The following DSTYK variants were observed in gnomAD, a reference collection of about 807,000 sequenced individuals.
DSTYK encodes RIP-homologous kinase.
DSTYK carries 34 observed loss-of-function variants against 98.7 expected under a neutral mutation model. The ratio of observed to expected loss-of-function variants is 0.34; its 90% CI spans 0.26 to 0.46. The LOEUF is 0.46. Ranked by LOEUF, DSTYK falls within the 20% of genes least tolerant of loss-of-function variation. DSTYK has a pLI of 1.00. For missense variants in DSTYK, 962 were observed against 1,181.7 expected (o/e 0.81, Z 2.73); for synonymous variants, 462 against 457.3 (o/e 1.01, Z -0.13).
Position 205,163,840 on chromosome 1 carries a change from C to T in DSTYK, c.1440G>A (p.Leu480=), listed in dbSNP as rs1168317369. The change falls in exon 4 of 13, where the codon CTG becomes CTA. Residue 480 remains leucine, a synonymous_variant. Transcript: ENST00000367162. ...CCCTCAGGTAATCCACTGAGCTGAT[C>T]AGCTTATTAGCCACTGCCTGATTAA... The part of the protein sequence containing the change: ...SRLNQAVANK[L]ISSVDYLRES... 1 of 1,614,152 alleles carries T rather than the reference C, an allele frequency of 6.2e-7. No homozygotes were observed. Among genetic ancestry groups the T allele is most frequent in the Non-Finnish European group, 8.5e-7 (1 of 1,180,036 alleles).
intron 1 of DSTYK, among the ~76,000 whole-genome samples, chr1:205,192,430 G>A (rs1018658398): frequency 4.6e-5 from 7 of 152,144 alleles, no homozygotes. Flanking sequence ...CTACTCAGGA[G>A]GCTGAGGTGT....
At chr1:205,204,435 T>C (rs1659141226) in intron 1 of DSTYK, among the ~76,000 whole-genome samples, 1 of 146,826 alleles carries the variant, frequency 6.8e-6, no homozygotes, top group Non-Finnish European at 1.5e-5. Flanking sequence ...TGTTCCAACT[T>C]TCTAAATCAA....
chr1:205,200,370 C>T (rs1245470559), intron 1 of DSTYK, among the ~76,000 whole-genome samples: 2 of 152,020 alleles, frequency 1.3e-5, no homozygotes, highest in African/African-American at 4.8e-5. Flanking sequence ...GATGGGGTTT[C>T]GCCATGTTGG....
Position 205,211,597 on chromosome 1 carries a change from C to A in DSTYK, c.-62G>T, listed in dbSNP as rs1013408105. Reference sequence around the variant, plus strand: ...GGCCGCAGGCCCGGCCTCCCTCCTCCCCGCCCCCCAGTGCCGAAGGGAGGA... The same window carrying A: ...GGCCGCAGGCCCGGCCTCCCTCCTCACCGCCCCCCAGTGCCGAAGGGAGGA... On this transcript the variant is annotated 5_prime_UTR_variant, in exon 1 of 13. Coordinates refer to ENST00000367162, the MANE Select transcript of DSTYK (RefSeq NM_015375.3). 2.3e-5 allele frequency: 32 copies of A among 1,409,738 alleles called. No homozygotes were observed. The highest frequency in any genetic ancestry group is 2.9e-5 in the Non-Finnish European group (32 of 1,090,294). The allele number at this position is 1,409,738 out of a possible 1,614,324, so 87.3% of individuals were successfully genotyped here.
intron 4 of DSTYK, 144 bp downstream of exon 4, chr1:205,163,579 A>G (rs1285944837): frequency 5.5e-6 from 4 of 722,912 alleles, no homozygotes; most frequent in Non-Finnish European, 9.3e-6. Context: ...GGCAGTGGTC[A>G]TGTGACAGGA....
intron 2 of DSTYK, among the ~76,000 whole-genome samples, chr1:205,178,590 T>G (rs1364476316): frequency 6.6e-6 from 1 of 152,214 alleles, no homozygotes; most frequent in Non-Finnish European, 1.5e-5. Flanking sequence ...TAATGAATTA[T>G]GAAGAACGTT....
chr1:205,177,906 T>C (rs1325887474), intron 2 of DSTYK, among the ~76,000 whole-genome samples: 1 of 152,022 alleles, frequency 6.6e-6, no homozygotes, highest in African/African-American at 2.4e-5. Context: ...TGACTCTTTT[T>C]GGTACATATA....
chr1:205,166,930 TATG>T (rs1411197655), intron 3 of DSTYK, among the ~76,000 whole-genome samples: 1 of 152,212 alleles, frequency 6.6e-6, no homozygotes, highest in Non-Finnish European at 1.5e-5. Context: ...CTGCAAGGAA[TATG>T]ATGATGAATA....
rs945486108 is a variant in DSTYK, at chr1:205,144,943, G to A, written c.*2615C>T. 10 of 152,212 alleles carry A rather than the reference G, an allele frequency of 6.6e-5. No individual in the cohort carries two copies. The highest frequency in any genetic ancestry group is 2.2e-4 in the African/African-American group (9 of 41,452). The allele number at this position is 152,212 out of a possible 1,614,324, so 9.4% of individuals were successfully genotyped here. On this transcript the variant is annotated 3_prime_UTR_variant, in exon 13 of 13. Coordinates refer to ENST00000367162, the MANE Select transcript of DSTYK (RefSeq NM_015375.3). ...AGCTAATACTTCCCAAGAATGCTAG[G>A]AATGTGACCTTCATAATGGAAGCAC...
At chr1:205,195,970 T>C (rs974500190) in intron 1 of DSTYK, among the ~76,000 whole-genome samples, 3 of 152,170 alleles carry the variant, frequency 2.0e-5, no homozygotes, top group African/African-American at 7.2e-5. Context: ...GCCAACCCCA[T>C]GCTTTACAGA....
At chr1:205,158,262 C>T (rs1168601927) in intron 9 of DSTYK, among the ~76,000 whole-genome samples, 1 of 152,076 alleles carries the variant, frequency 6.6e-6, no homozygotes, top group African/African-American at 2.4e-5. Flanking sequence ...CATATTGATT[C>T]CTCATGACTC....
chr1:205,165,180 G>A lies in DSTYK; in HGVS notation c.1325-1225C>T, dbSNP rs60471988. 2.1e-3 allele frequency among the ~76,000 whole-genome samples: 317 copies of A among 152,098 alleles called. 3 individuals are homozygous for A. Among genetic ancestry groups the A allele is most frequent in the Middle Eastern group, 0.01 (3 of 294 alleles). On this transcript the variant is annotated intron_variant, in intron 3 of 12. Coordinates refer to ENST00000367162, the MANE Select transcript of DSTYK (RefSeq NM_015375.3). Reference sequence around the variant, plus strand: ...ACGATCTCGGCTCACTGCAACCTCCGCCTTCTGGGTTCAAGTGATCTTGTG... The same window carrying A: ...ACGATCTCGGCTCACTGCAACCTCCACCTTCTGGGTTCAAGTGATCTTGTG...
intron 1 of DSTYK, among the ~76,000 whole-genome samples, chr1:205,197,233 G>C (rs551343020): frequency 6.6e-6 from 1 of 152,016 alleles, no homozygotes; most frequent in Non-Finnish European, 1.5e-5. Flanking sequence ...TTAATTTCTT[G>C]ATTTGGCGAG....
At chr1:205,166,871 C>T (rs576929808) in intron 3 of DSTYK, among the ~76,000 whole-genome samples, 1 of 152,332 alleles carries the variant, frequency 6.6e-6, no homozygotes, top group South Asian at 2.1e-4. Context: ...CATTCACACA[C>T]TCATTGATTC....
intron 2 of DSTYK, among the ~76,000 whole-genome samples, chr1:205,181,687 TG>T (rs1658408956): frequency 2.6e-5 from 4 of 151,398 alleles, no homozygotes; most frequent in African/African-American, 9.7e-5. Flanking sequence ...TGTGTGTGTG[TG>T]TGTGTGTGTG....
At chr1:205,180,223 C>A (rs1433997613) in intron 2 of DSTYK, among the ~76,000 whole-genome samples, 1 of 152,168 alleles carries the variant, frequency 6.6e-6, no homozygotes, top group African/African-American at 2.4e-5. Flanking sequence ...TTTCAAGCTC[C>A]ACCTGAATTA....
chr1:205,200,909 A>T (rs1026409354), intron 1 of DSTYK, among the ~76,000 whole-genome samples: 1 of 146,228 alleles, frequency 6.8e-6, no homozygotes, highest in Non-Finnish European at 1.5e-5. Flanking sequence ...TAATAATTTA[A>T]TTTTTTTTTT....
At chr1:205,198,296 A>G (rs1308381306) in intron 1 of DSTYK, among the ~76,000 whole-genome samples, 1 of 152,194 alleles carries the variant, frequency 6.6e-6, no homozygotes, top group Non-Finnish European at 1.5e-5. Flanking sequence ...GGTAGAGACT[A>G]TATTGCCATT....
At chr1:205,177,204 T>C (rs1186913422) in intron 2 of DSTYK, among the ~76,000 whole-genome samples, 1 of 152,030 alleles carries the variant, frequency 6.6e-6, no homozygotes, top group Non-Finnish European at 1.5e-5. Flanking sequence ...GAGACCCTAT[T>C]TCTAAAATAT....
Sources: gnomAD v4.1 joint callset for allele counts (sites outside exome capture counted in the v4.1 genomes callset) on GRCh38, gnomAD v4.1.1 for gene constraint, MANE v1.5 for transcripts, NCBI Gene and HGNC (gene_info 2026-07-23, HGNC 2026-07-21) for gene names.